LARS2: variants seen among roughly 807,000 people sequenced by gnomAD.
LARS2 encodes the protein leucyl-tRNA synthetase 2, mitochondrial.
A neutral mutation model predicts 116.6 loss-of-function variants in LARS2; 81 were observed. The ratio of observed to expected loss-of-function variants is 0.69; its 90% CI spans 0.58 to 0.84. The LOEUF (loss-of-function observed/expected upper bound fraction) is 0.84. Ranked by LOEUF, LARS2 falls within the 40% of genes least tolerant of loss-of-function variation. LARS2 has a pLI of 0.00. For missense variants in LARS2, 968 were observed against 1,114.5 expected (o/e 0.87, Z 1.87); for synonymous variants, 396 against 407.2 (o/e 0.97, Z 0.33).
At chr3:45,447,557 G>T (rs571593505) in intron 7 of LARS2, among the ~76,000 whole-genome samples, 5 of 152,180 alleles carry the variant, frequency 3.3e-5, no homozygotes, top group African/African-American at 1.2e-4. Context: ...GTGTCATACG[G>T]TCACTTGCTG....
At chr3:45,487,164 A>G (rs1559484563) in intron 11 of LARS2, among the ~76,000 whole-genome samples, 2 of 152,228 alleles carry the variant, frequency 1.3e-5, no homozygotes, top group Admixed American at 6.5e-5. Context: ...CTGTGGTTAC[A>G]GTGTCTCCTT....
In LARS2 at chr3:45,524,788, T is replaced by TA. The variant is rs199748034; in HGVS notation, c.2404+688dup. 6.9e-3 allele frequency among the ~76,000 whole-genome samples: 1,047 copies of TA among 152,112 alleles called. 12 individuals are homozygous for TA. Among genetic ancestry groups the TA allele is most frequent in the African/African-American group, 0.016 (684 of 41,510 alleles). ...TTTCGTTGACGTAAAAGATTTCTTC[T>TA]AAAAAAAAGATCTCTCCTAATTAAA... On this transcript the variant is annotated intron_variant, in intron 20 of 21. Coordinates refer to ENST00000645846, the MANE Select transcript of LARS2 (RefSeq NM_015340.4).
chr3:45,426,349 A>T (rs1290022408), intron 6 of LARS2, among the ~76,000 whole-genome samples: 1 of 152,230 alleles, frequency 6.6e-6, no homozygotes, highest in African/African-American at 2.4e-5. Context: ...CCTTGACAAC[A>T]TGTCACAGGC....
At chr3:45,521,149 C>T (rs1463009025) in intron 19 of LARS2, among the ~76,000 whole-genome samples, 1 of 151,914 alleles carries the variant, frequency 6.6e-6, no homozygotes, top group African/African-American at 2.4e-5. Flanking sequence ...CTAAAAAATA[C>T]AAAAAATTAG....
At chr3:45,391,148 A>G (rs1368209440) in intron 1 of LARS2, among the ~76,000 whole-genome samples, 1 of 151,980 alleles carries the variant, frequency 6.6e-6, no homozygotes, top group Non-Finnish European at 1.5e-5. Context: ...CATTGTTTTT[A>G]TACTCAGGAC....
chr3:45,403,186 A>G (rs1392153211), intron 4 of LARS2, among the ~76,000 whole-genome samples: 1 of 151,950 alleles, frequency 6.6e-6, no homozygotes, highest in South Asian at 2.1e-4. Context: ...AGATAAAGAC[A>G]ATTCTTTATC....
At chr3:45,446,363 A>C (rs1216691485) in intron 6 of LARS2, among the ~76,000 whole-genome samples, 1 of 152,226 alleles carries the variant, frequency 6.6e-6, no homozygotes, top group Non-Finnish European at 1.5e-5. Flanking sequence ...TTCCTAAGTA[A>C]ACAACAGCCT....
chr3:45,437,279 T>C (rs1240493590), intron 6 of LARS2, among the ~76,000 whole-genome samples: 1 of 152,210 alleles, frequency 6.6e-6, no homozygotes, highest in African/African-American at 2.4e-5. Flanking sequence ...ATTTCCAATT[T>C]TCATTAAATG....
chr3:45,500,334 C>T lies in LARS2; in HGVS notation c.1623-108C>T, dbSNP rs529885250. On this transcript the variant is annotated intron_variant, in intron 14 of 21. Transcript: ENST00000645846. ...ATATTTTAAAAAAATCATTGTTATT[C>T]CCTGATACGGTTCATTTCAGGGCAT... 16 of 1,095,514 alleles carry T rather than the reference C, an allele frequency of 1.5e-5. No homozygotes were observed. In the South Asian group the frequency reaches 2.1e-4, roughly 14 times the overall value. 67.9% of individuals were successfully genotyped at this position (1,095,514 alleles called of 1,614,324 possible). A position where few individuals can be genotyped will look rare whatever the true frequency, so the allele number is the denominator to read the frequency against.
chr3:45,530,705 C>T (rs1422132154), intron 20 of LARS2, among the ~76,000 whole-genome samples: 1 of 152,090 alleles, frequency 6.6e-6, no homozygotes, highest in Non-Finnish European at 1.5e-5. Flanking sequence ...AATTATTTTC[C>T]TAAGAAGTTA....
intron 3 of LARS2, among the ~76,000 whole-genome samples, chr3:45,395,092 G>A (rs933141787): frequency 1.3e-5 from 2 of 152,192 alleles, no homozygotes; most frequent in Non-Finnish European, 2.9e-5. Context: ...TGCATGGTGG[G>A]GCAGCACACA....
intron 4 of LARS2, among the ~76,000 whole-genome samples, chr3:45,410,071 CAG>C (rs1463582999): frequency 7.9e-5 from 12 of 152,298 alleles, no homozygotes; most frequent in African/African-American, 2.6e-4. Flanking sequence ...CGGCACCTAA[CAG>C]AATGTTAATA....
intron 20 of LARS2, among the ~76,000 whole-genome samples, chr3:45,537,833 A>T (rs377532591): frequency 2.6e-5 from 4 of 151,942 alleles, no homozygotes; most frequent in Admixed American, 6.6e-5. Flanking sequence ...TGACCTCACC[A>T]CCTCTCAGTG....
At chr3:45,547,216 C>T (rs936803512) in intron 21 of LARS2, 135 bp from the exon 22 acceptor site, 1 of 753,624 alleles carries the variant, frequency 1.3e-6, no homozygotes, top group Non-Finnish European at 2.1e-6. Context: ...GTGCTGACTT[C>T]CTCCTTTCTC....
chr3:45,392,911 G>T (rs854190), intron 2 of LARS2, among the ~76,000 whole-genome samples: 152,363 of 152,364 alleles, frequency 1, 76,181 homozygotes, highest in Middle Eastern at 1. Flanking sequence ...AAGATCTGTT[G>T]TCATCTGTTT....
rs763342331 is a variant in LARS2, at chr3:45,541,943, A to T, written c.2519A>T (p.Gln840Leu). The T allele has an allele frequency of 3.1e-6, 5 of 1,614,246 alleles. No homozygotes were observed. The highest frequency in any genetic ancestry group is 8.5e-7 in the Non-Finnish European group (1 of 1,180,028). ...PEFLQQPEVV[Q>L]MAVLINNKAC... ...TTCCTGCAGCAGCCTGAGGTTGTCC[A>T]GATGGCAGTTCTGGTAAGTATCTCC... The change falls in exon 21 of 22, where the codon CAG becomes CTG. Residue 840 changes from glutamine to leucine, a missense_variant. Gln to Leu is a moderately radical substitution (Grantham distance 113, BLOSUM62 -2). Coordinates refer to ENST00000645846, the MANE Select transcript of LARS2 (RefSeq NM_015340.4).
intron 6 of LARS2, among the ~76,000 whole-genome samples, chr3:45,437,145 C>G (rs1698822143): frequency 2.0e-5 from 3 of 152,192 alleles, no homozygotes; most frequent in Admixed American, 2.0e-4. Flanking sequence ...TTCAAGAGCA[C>G]TTAATTAGAA....
chr3:45,431,843 T>C (rs1698720540), intron 6 of LARS2, among the ~76,000 whole-genome samples: 1 of 152,046 alleles, frequency 6.6e-6, no homozygotes, highest in African/African-American at 2.4e-5. Context: ...AATAAATGGC[T>C]CAAAATCTTC....
chr3:45,399,566 T>G (rs965130550), intron 3 of LARS2, among the ~76,000 whole-genome samples: 3 of 152,182 alleles, frequency 2.0e-5, no homozygotes, highest in Middle Eastern at 3.4e-3. Context: ...TTCTACAGAC[T>G]GGCGCTGAAT....
Sources: gnomAD v4.1 joint callset for allele counts (sites outside exome capture counted in the v4.1 genomes callset) on GRCh38, gnomAD v4.1.1 for gene constraint, MANE v1.5 for transcripts, NCBI Gene and HGNC (gene_info 2026-07-23, HGNC 2026-07-21) for gene names.